GRM7: variants seen among roughly 807,000 people sequenced by gnomAD.
The protein encoded by GRM7 is glutamate metabotropic receptor 7.
GRM7 carries 35 observed loss-of-function variants against 84.5 expected under a neutral mutation model. The ratio of observed to expected loss-of-function variants is 0.41; its 90% CI spans 0.32 to 0.55. GRM7 has a LOEUF of 0.55. GRM7 is among the 20% of genes least tolerant of loss of function. The pLI is 0.19. For missense variants in GRM7, 1,003 were observed against 1,194.6 expected, an observed-to-expected ratio of 0.84 and a Z score of 2.36; for synonymous variants, 487 against 455.1, an observed-to-expected ratio of 1.07 and a Z score of -0.89.
rs568817544 is a variant in GRM7, at chr3:6,862,890, G to T, written c.519+983G>T. On this transcript the variant is annotated intron_variant, in intron 1 of 9. Coordinates refer to ENST00000357716, the MANE Select transcript of GRM7 (RefSeq NM_000844.4). The surrounding 1 kb of genome is among the most constrained non-coding windows in gnomAD (Gnocchi z 5.2). ...TGCTCCGGTGCCGGAGGGAGACGGA[G>T]AAAAAATGGGAGGAAGGCGGATCCG... 4.8e-6 allele frequency: 2 copies of T among 414,536 alleles called. No homozygotes were observed. Among genetic ancestry groups the T allele is most frequent in the Admixed American group, 5.5e-5 (2 of 36,462 alleles). The allele number at this position is 414,536 out of a possible 1,614,324, so 25.7% of individuals were successfully genotyped here. A position where few individuals can be genotyped will look rare whatever the true frequency, so the allele number is the denominator to read the frequency against.
chr3:7,126,806 C>T (rs1000901216), intron 1 of GRM7, among the ~76,000 whole-genome samples: 4 of 152,088 alleles, frequency 2.6e-5, no homozygotes, highest in African/African-American at 9.7e-5. Flanking sequence ...CTTCATGGCC[C>T]ATCATATATC....
intron 1 of GRM7, among the ~76,000 whole-genome samples, chr3:7,138,581 G>A (rs1186696346): frequency 7.4e-6 from 1 of 134,284 alleles, no homozygotes; most frequent in Non-Finnish European, 1.5e-5. Context: ...TGAATATATT[G>A]TCGTGTTCAT....
At chr3:6,951,993 G>A (rs544279810) in intron 1 of GRM7, among the ~76,000 whole-genome samples, 10 of 151,974 alleles carry the variant, frequency 6.6e-5, no homozygotes, top group Non-Finnish European at 1.2e-4. Context: ...CACTTTGCCT[G>A]ATTTAATGTA....
At chr3:7,035,493 T>C (rs1310305379) in intron 1 of GRM7, among the ~76,000 whole-genome samples, 1 of 152,190 alleles carries the variant, frequency 6.6e-6, no homozygotes, top group African/African-American at 2.4e-5. Context: ...TCAAGGCCTA[T>C]ACAAAGAGCT....
chr3:7,022,170 T>A (rs939060712), intron 1 of GRM7, among the ~76,000 whole-genome samples: 5 of 151,428 alleles, frequency 3.3e-5, no homozygotes, highest in African/African-American at 9.7e-5. Context: ...CTACAAAAAA[T>A]ACAAAAATTA....
At chr3:7,418,438 A>C (rs1017411152) in intron 5 of GRM7, among the ~76,000 whole-genome samples, 2 of 152,176 alleles carry the variant, frequency 1.3e-5, no homozygotes, top group African/African-American at 4.8e-5. Context: ...ATGCTGCTTC[A>C]TAGAAGAGCT....
At chr3:7,689,909 A>G (rs1700733609) in intron 9 of GRM7, among the ~76,000 whole-genome samples, 1 of 152,118 alleles carries the variant, frequency 6.6e-6, no homozygotes, top group African/African-American at 2.4e-5. Context: ...GATCTGATGG[A>G]AGACTCAAAG....
chr3:7,585,712 G>A (rs1279547108), intron 8 of GRM7, among the ~76,000 whole-genome samples: 1 of 152,114 alleles, frequency 6.6e-6, no homozygotes, highest in Non-Finnish European at 1.5e-5. Context: ...CAGCCACTGA[G>A]AGACACAGCC....
intron 4 of GRM7, among the ~76,000 whole-genome samples, chr3:7,399,210 A>G (rs1384555167): frequency 6.7e-6 from 1 of 150,040 alleles, no homozygotes; most frequent in Admixed American, 6.7e-5. Context: ...TAATAATAAT[A>G]ATAAAATGTC....
chr3:7,097,375 A>G (rs1698895074), intron 1 of GRM7, among the ~76,000 whole-genome samples: 1 of 152,152 alleles, frequency 6.6e-6, no homozygotes, highest in Non-Finnish European at 1.5e-5. Flanking sequence ...TTCTTGTAAC[A>G]ATTAACTGAA....
intron 4 of GRM7, among the ~76,000 whole-genome samples, chr3:7,408,040 T>C (rs1695757414): frequency 6.6e-6 from 1 of 152,176 alleles, no homozygotes; most frequent in South Asian, 2.1e-4. Context: ...ATTATCATCG[T>C]CCCCATTTTA....
intron 2 of GRM7, among the ~76,000 whole-genome samples, chr3:7,231,413 T>C (rs67047759): frequency 0.38 from 57,550 of 151,998 alleles, 11,003 homozygotes; most frequent in Middle Eastern, 0.5. Flanking sequence ...TCTAAAATAT[T>C]TTTATCTGAA....
intron 2 of GRM7, among the ~76,000 whole-genome samples, chr3:7,258,132 T>C (rs1414512867): frequency 6.6e-6 from 1 of 152,210 alleles, no homozygotes; most frequent in Admixed American, 6.5e-5. Context: ...AAGTCTATGA[T>C]TTAACCATCA....
chr3:7,593,414 G>A (rs1055796599), intron 8 of GRM7, among the ~76,000 whole-genome samples: 8 of 152,154 alleles, frequency 5.3e-5, no homozygotes, highest in African/African-American at 1.4e-4. Flanking sequence ...AGACAAATTC[G>A]TTGCCCTCAT....
chr3:7,665,759 T>G (rs1277763133), intron 8 of GRM7, among the ~76,000 whole-genome samples: 1 of 152,186 alleles, frequency 6.6e-6, no homozygotes, highest in Non-Finnish European at 1.5e-5. Context: ...GCTTTGCTCC[T>G]GATTACTGTG....
chr3:7,299,773 T>C (rs1434353807), intron 3 of GRM7, among the ~76,000 whole-genome samples: 2 of 152,156 alleles, frequency 1.3e-5, no homozygotes, highest in Admixed American at 1.3e-4. Context: ...GGCAGAATTT[T>C]ATTTTACATA....
chr3:7,373,695 G>C (rs1694229906), intron 4 of GRM7, among the ~76,000 whole-genome samples: 1 of 152,176 alleles, frequency 6.6e-6, no homozygotes, highest in Non-Finnish European at 1.5e-5. Context: ...TTCTGGGCTT[G>C]TGACAGAAAA....
At chr3:7,049,075 C>T (rs1696901684) in intron 1 of GRM7, among the ~76,000 whole-genome samples, 1 of 151,944 alleles carries the variant, frequency 6.6e-6, no homozygotes, top group South Asian at 2.1e-4. Context: ...TGAAACAAAA[C>T]ATCTCACTCA....
chr3:6,983,652 G>C (rs1466350795), intron 1 of GRM7, among the ~76,000 whole-genome samples: 1 of 152,022 alleles, frequency 6.6e-6, no homozygotes, highest in East Asian at 1.9e-4. Flanking sequence ...ATTATTATGA[G>C]ATATTTTTGT....
Sources: gnomAD v4.1 joint callset for allele counts (sites outside exome capture counted in the v4.1 genomes callset) on GRCh38, gnomAD v4.1.1 for gene constraint, Gnocchi (gnomAD v3.1) non-coding constraint, MANE v1.5 for transcripts, NCBI Gene and HGNC (gene_info 2026-07-23, HGNC 2026-07-21) for gene names.